Variants in SIPA1L3 observed in about 807,000 individuals in gnomAD.
The protein encoded by SIPA1L3 is signal induced proliferation associated 1 like 3, also known as signal-induced proliferation-associated 1-like protein 3.
SIPA1L3 carries 59 observed loss-of-function variants against 150.1 expected under a neutral mutation model. The observed-to-expected ratio is 0.39, with a 90% CI of 0.32 to 0.49. SIPA1L3 has a LOEUF of 0.49. Ranked by LOEUF, SIPA1L3 falls within the 20% of genes least tolerant of loss-of-function variation. SIPA1L3 has a pLI of 0.86. For missense variants in SIPA1L3, 2,211 were observed against 2,489.5 expected (o/e 0.89, Z 2.38); for synonymous variants, 1,070 against 1,077.6 (o/e 0.99, Z 0.14).
chr19:37,914,549 A>G (rs1387228251), intron 1 of SIPA1L3, among the ~76,000 whole-genome samples: 1 of 151,564 alleles, frequency 6.6e-6, no homozygotes, highest in Non-Finnish European at 1.5e-5. Context: ...TTTTTTTGGT[A>G]CTTTTAATAG....
rs537097828 is a variant in SIPA1L3 at position 37,991,722 on chromosome 19, G to T, written c.-378-37367G>T. Among the ~76,000 whole-genome samples the T allele has an allele frequency of 6.6e-5, 10 of 152,192 alleles. 1 individual carries two copies. The South Asian group carries it at 2.1e-3, about 32-fold the overall frequency. On this transcript the variant is annotated intron_variant, in intron 1 of 21. Transcript: ENST00000222345. The stretch of plus-strand genomic sequence containing the variant: ...CTTTCACTCAAGACAGCCCTGTGAC[G>T]GTGATCTGTTGCACAGATGACCCTC...
rs929889648 is a variant in SIPA1L3 at position 37,943,350 on chromosome 19, G to A, written c.-379+35992G>A. 2.6e-5 allele frequency among the ~76,000 whole-genome samples: 4 copies of A among 152,112 alleles called. No individual in the cohort carries two copies. In the South Asian group the frequency reaches 6.2e-4, roughly 24 times the overall value. ...ATAGCCCCACCCACAGTCCGACCACGCTCTCTTCTTCTCCCTCACTCCAAC... is the reference window on the plus strand; with the variant it reads ...ATAGCCCCACCCACAGTCCGACCACACTCTCTTCTTCTCCCTCACTCCAAC... On this transcript the variant is annotated intron_variant, in intron 1 of 21. Transcript: ENST00000222345.
intron 2 of SIPA1L3, among the ~76,000 whole-genome samples, chr19:38,077,996 A>G (rs1405934556): frequency 6.6e-6 from 1 of 152,062 alleles, no homozygotes; most frequent in East Asian, 1.9e-4. Context: ...CCAATTGGGA[A>G]ATGTTACATG....
intron 1 of SIPA1L3, among the ~76,000 whole-genome samples, chr19:37,925,891 C>T (rs980573170): frequency 2.0e-5 from 3 of 152,062 alleles, no homozygotes; most frequent in Non-Finnish European, 4.4e-5. Flanking sequence ...TGCGCCCGGC[C>T]GATTTATTAC....
At chr19:38,106,019 G>T (rs946150012) in intron 6 of SIPA1L3, among the ~76,000 whole-genome samples, 1 of 152,108 alleles carries the variant, frequency 6.6e-6, no homozygotes, top group Non-Finnish European at 1.5e-5. Flanking sequence ...CCACATCCTC[G>T]CCAACCATTG....
intron 2 of SIPA1L3, among the ~76,000 whole-genome samples, chr19:38,055,509 C>T (rs562676635): frequency 3.3e-5 from 5 of 152,352 alleles, no homozygotes; most frequent in Non-Finnish European, 7.3e-5. Flanking sequence ...TGCAAACTTC[C>T]TCTTCCCTCA....
chr19:37,946,241 G>A (rs2046710717), intron 1 of SIPA1L3, among the ~76,000 whole-genome samples: 1 of 151,958 alleles, frequency 6.6e-6, no homozygotes, highest in South Asian at 2.1e-4. Context: ...AGGAGTTCTG[G>A]TTTCCTGGAT....
intron 1 of SIPA1L3, among the ~76,000 whole-genome samples, chr19:37,998,974 A>G (rs1967711263): frequency 1.5e-5 from 2 of 132,016 alleles, no homozygotes; most frequent in African/African-American, 3.1e-5. Context: ...AACCAGCCCT[A>G]TCTATCACAC....
rs577786608 is a variant in SIPA1L3, at chr19:38,090,158, C to T, written c.1665+1307C>T. Among the ~76,000 whole-genome samples the T allele has an allele frequency of 6.6e-5, 10 of 151,930 alleles. No individual in the cohort carries two copies. In the East Asian group the frequency reaches 1.5e-3, roughly 24 times the overall value. The stretch of plus-strand genomic sequence containing the variant: ...CAGCCTGGCCAACATGGTAAAACCC[C>T]GTCTCTACTAAAAATACAAAAATTA... On this transcript the variant is annotated intron_variant, in intron 4 of 21. Coordinates refer to ENST00000222345, the MANE Select transcript of SIPA1L3 (RefSeq NM_015073.3).
chr19:38,089,207 A>G (rs539970422), intron 4 of SIPA1L3, among the ~76,000 whole-genome samples: 2 of 151,648 alleles, frequency 1.3e-5, no homozygotes, highest in Non-Finnish European at 2.9e-5. Flanking sequence ...AATCCCAGCT[A>G]TTGGGGAGAC....
At chr19:38,145,042 G>C (rs1426097084) in intron 12 of SIPA1L3, among the ~76,000 whole-genome samples, 1 of 152,202 alleles carries the variant, frequency 6.6e-6, no homozygotes, top group Non-Finnish European at 1.5e-5. Flanking sequence ...GGGCACCCAG[G>C]TGACAGCAGG....
At position 38,206,115 on chromosome 19, in the gene SIPA1L3, G is replaced by A. The variant is rs888851822; in HGVS notation, c.5221G>A (p.Val1741Met). The change falls in exon 22 of 22, where the codon GTG (valine) becomes ATG (methionine). Residue 1741 changes from valine to methionine, a missense_variant. By Grantham distance (21) the Val-to-Met change is conservative. Transcript: ENST00000222345. Reference sequence around the variant, plus strand: ...TGTGCAGGAGAAGCAGGACAAGGTGGTGCTCCAGTCAGAGGTGGCCAGCCT... The same window carrying A: ...TGTGCAGGAGAAGCAGGACAAGGTGATGCTCCAGTCAGAGGTGGCCAGCCT... Reference protein sequence around the residue: ...DLQKEKQDKVVLQSEVASLRQ... With the variant: ...DLQKEKQDKVMLQSEVASLRQ... 45 of 1,549,656 alleles carry A rather than the reference G, an allele frequency of 2.9e-5. No homozygotes were observed. Among genetic ancestry groups the A allele is most frequent in the Non-Finnish European group, 3.8e-5 (44 of 1,146,148 alleles).
chr19:38,105,254 A>G (rs1970596928), intron 6 of SIPA1L3, among the ~76,000 whole-genome samples: 1 of 151,890 alleles, frequency 6.6e-6, no homozygotes, highest in Non-Finnish European at 1.5e-5. Context: ...AATCCCAGCT[A>G]CTCAGGAGGC....
chr19:38,180,604 C>T (rs1449901594), intron 15 of SIPA1L3, among the ~76,000 whole-genome samples: 2 of 146,306 alleles, frequency 1.4e-5, no homozygotes, highest in Admixed American at 7.0e-5. Flanking sequence ...GGCATAATGG[C>T]GTGATCTCGG....
At chr19:37,939,527 G>C (rs1447909211) in intron 1 of SIPA1L3, among the ~76,000 whole-genome samples, 2 of 152,136 alleles carry the variant, frequency 1.3e-5, no homozygotes, top group Admixed American at 1.3e-4. Context: ...AGACAGGCGA[G>C]CCTGTGTTCT....
chr19:37,971,564 T>G (rs560853532), intron 1 of SIPA1L3, among the ~76,000 whole-genome samples: 3 of 88,706 alleles, frequency 3.4e-5, no homozygotes, highest in East Asian at 1.1e-3. Flanking sequence ...TTTTTTGTTT[T>G]TTGGGGTTTT....
rs112319201 is a variant in SIPA1L3, at chr19:38,176,176, ATT to A, written c.4209-6330_4209-6329del. Among the ~76,000 whole-genome samples, 63 of 146,482 alleles carry A rather than the reference ATT, an allele frequency of 4.3e-4. 1 individual carries two copies. Among genetic ancestry groups the A allele is most frequent in the Admixed American group, 1.2e-3 (17 of 14,704 alleles). ...AGGTGCACACCGTCACACTTGGCTA[ATT>A]TTTTTTTTTTTTCAAGTACAGATGG... is the stretch of plus-strand genomic sequence containing the variant. On this transcript the variant is annotated intron_variant, in intron 15 of 21. Coordinates refer to ENST00000222345, the MANE Select transcript of SIPA1L3 (RefSeq NM_015073.3).
chr19:38,022,767 C>A (rs1416980698), intron 1 of SIPA1L3, among the ~76,000 whole-genome samples: 8 of 152,124 alleles, frequency 5.3e-5, no homozygotes, highest in African/African-American at 1.7e-4. Flanking sequence ...CAGTGCCTGG[C>A]ATGTAGTAAA....
chr19:38,179,296 G>T (rs1342633633), intron 15 of SIPA1L3, among the ~76,000 whole-genome samples: 1 of 152,136 alleles, frequency 6.6e-6, no homozygotes, highest in Admixed American at 6.6e-5. Context: ...ACAAAAATTA[G>T]CTGGGCGTGG....
Sources: allele counts gnomAD v4.1 joint callset (sites outside exome capture counted in the v4.1 genomes callset), GRCh38; gene constraint gnomAD v4.1.1; transcripts MANE v1.5; gene names NCBI Gene and HGNC (gene_info 2026-07-23, HGNC 2026-07-21).